The following PTCH1 variants were observed in gnomAD, a reference collection of about 807,000 sequenced individuals.
PTCH1 encodes the protein protein patched homolog 1.
A neutral mutation model predicts 144.6 loss-of-function variants in PTCH1; 14 were observed. The ratio of observed to expected loss-of-function variants is 0.10; its 90% CI spans 0.06 to 0.15. The LOEUF is 0.15. Ranked by LOEUF, PTCH1 falls within the 10% of genes least tolerant of loss-of-function variation. The pLI, the probability that PTCH1 is intolerant of heterozygous loss-of-function variation, is 1.00. For synonymous variants in PTCH1, 833 were observed against 793.6 expected (o/e 1.05, Z -0.83); for missense variants, 1,623 against 1,948.3 (o/e 0.83, Z 3.14).
Position 95,478,245 on chromosome 9 carries a change from A to G in PTCH1, c.1216-59T>C, listed in dbSNP as rs143533605. 1.4e-4 allele frequency: 219 copies of G among 1,611,148 alleles called. 1 individual carries two copies. The African/African-American group carries it at 2.4e-3, about 18-fold the overall frequency. On this transcript the variant is annotated intron_variant, in intron 8 of 23. Transcript: ENST00000331920. ...GCAATGAACACTTCCACAAGCCTCGACAGCACAGATCTCAGGTGACACAGC... is the reference window on the plus strand; with the variant it reads ...GCAATGAACACTTCCACAAGCCTCGGCAGCACAGATCTCAGGTGACACAGC...
At chr9:95,489,019 G>A (rs566781289) in intron 2 of PTCH1, among the ~76,000 whole-genome samples, 1 of 152,272 alleles carries the variant, frequency 6.6e-6, no homozygotes, top group African/African-American at 2.4e-5. Flanking sequence ...ATGTGAACTG[G>A]TAGAATCAGC....
intron 22 of PTCH1, 73 bp downstream of exon 22, chr9:95,448,996 A>T (rs1490235144): frequency 1.3e-6 from 2 of 1,598,268 alleles, no homozygotes; most frequent in African/African-American, 2.7e-5. Flanking sequence ...AGCAGACAGG[A>T]GCCCCCGCTG....
At position 95,458,040 on chromosome 9, in the gene PTCH1, A is replaced by T. The variant is rs2066835; in HGVS notation, c.3141T>A (p.Leu1047=). 4.3e-6 allele frequency: 7 copies of T among 1,614,126 alleles called. No homozygotes were observed. In the South Asian group the frequency reaches 7.7e-5, roughly 18 times the overall value. ...TGATCCCGGCCGTCCAGGGGTTCAGAAGGAAGACAGCGCACACGAGGAATG... is the reference window on the plus strand; with the variant it reads ...TGATCCCGGCCGTCCAGGGGTTCAGTAGGAAGACAGCGCACACGAGGAATG... ...ACTFLVCAVF[L]LNPWTAGIIV... is the part of the protein sequence containing the mutation. Residue 1047 remains leucine (L), a synonymous_variant, in exon 18 of 24, where the codon CTT becomes CTA. Coordinates refer to ENST00000331920, the MANE Select transcript of PTCH1 (RefSeq NM_000264.5). The surrounding 1 kb of genome is among the most constrained non-coding windows in gnomAD (Gnocchi z 4.7).
chr9:95,480,154 A>T (rs2118400359), intron 6 of PTCH1, 64 bp from the exon 7 acceptor site: 1 of 1,607,944 alleles, frequency 6.2e-7, no homozygotes, highest in Non-Finnish European at 8.5e-7. Context: ...CCTTGTTAAA[A>T]TCCAGTGCAT....
At chr9:95,491,400 G>A (rs1842399602) in intron 2 of PTCH1, among the ~76,000 whole-genome samples, 1 of 152,216 alleles carries the variant, frequency 6.6e-6, no homozygotes, top group Non-Finnish European at 1.5e-5. Context: ...GATAACAAAT[G>A]CTGTGATGAA....
At chr9:95,482,265 C>T (rs749896993) in intron 3 of PTCH1, 62 bp from the exon 4 acceptor site, 32 of 1,458,562 alleles carry the variant, frequency 2.2e-5, no homozygotes, top group Non-Finnish European at 2.6e-5. Flanking sequence ...AGTGCAAATT[C>T]GAAATGATAG....
upstream of PTCH1, among the ~76,000 whole-genome samples, chr9:95,512,510 G>C (rs778056698): frequency 6.6e-6 from 1 of 152,150 alleles, no homozygotes; most frequent in African/African-American, 2.4e-5. Flanking sequence ...AAGCCTGCTC[G>C]ACTTGGGTGG....
At chr9:95,459,033 G>A (rs779309266) in intron 17 of PTCH1, among the ~76,000 whole-genome samples, 8 of 152,082 alleles carry the variant, frequency 5.3e-5, no homozygotes, top group African/African-American at 9.7e-5. Flanking sequence ...CAAAGCATAC[G>A]CTACTAATAT....
intron 19 of PTCH1, among the ~76,000 whole-genome samples, chr9:95,455,972 G>T (rs900323232): frequency 6.6e-6 from 1 of 152,194 alleles, no homozygotes; most frequent in African/African-American, 2.4e-5. Context: ...CAGGAATCGT[G>T]GGGGTATAAT....
intron 10 of PTCH1, among the ~76,000 whole-genome samples, 186 bp from the exon 11 acceptor site, chr9:95,477,043 G>C (rs544377634): frequency 6.6e-6 from 1 of 152,234 alleles, no homozygotes; most frequent in South Asian, 2.1e-4. Flanking sequence ...GATCCTGCAC[G>C]TTTCTACTTC....
upstream of PTCH1, among the ~76,000 whole-genome samples, chr9:95,511,402 CCCT>C (rs1283879368): frequency 6.6e-6 from 1 of 152,242 alleles, no homozygotes; most frequent in African/African-American, 2.4e-5. Context: ...TCCCCCGACC[CCCT>C]AACCCGCAAA....
chr9:95,484,399 T>C (rs566597718), intron 3 of PTCH1: 1 of 152,314 alleles, frequency 6.6e-6, no homozygotes, highest in Non-Finnish European at 1.5e-5. Flanking sequence ...AAGCCCAGGT[T>C]ACAGATAAAC....
At chr9:95,474,165 T>A in intron 12 of PTCH1, 2 of 416,210 alleles carry the variant, frequency 4.8e-6, no homozygotes, top group Non-Finnish European at 4.8e-6. Flanking sequence ...GAGGAGAGAA[T>A]GAGAGAGAAA....
rs772537644 is a variant in PTCH1 at position 95,449,257 on chromosome 9, G to A, written c.3616C>T (p.Arg1206Cys). 3.8e-5 allele frequency: 60 copies of A among 1,567,758 alleles called. No homozygotes were observed. The Middle Eastern group carries it at 5.0e-4, about 13-fold the overall frequency. ...PSPEPPPSVV[R>C]FAMPPGHTHS... ...GTGTGGCCGGGCGGCATGGCGAAGCGGACCACGCTGGGGGGTGGCTCAGGG... is the reference window on the plus strand; with the variant it reads ...GTGTGGCCGGGCGGCATGGCGAAGCAGACCACGCTGGGGGGTGGCTCAGGG... The change falls in exon 22 of 24, where the codon CGC becomes TGC. Residue 1206 changes from arginine to cysteine, a missense_variant. Arg to Cys is a radical substitution (Grantham distance 180). Around this residue, in one of 7 missense-constraint regions of PTCH1, gnomAD observed 504 missense variants for 679.3 expected, o/e 0.74. Transcript: ENST00000331920. This position sits in a 1 kb window ranked among gnomAD's most constrained non-coding sequence, Gnocchi z 5.3.
chr9:95,450,071 C>T, intron 20 of PTCH1, 131 bp from the exon 21 acceptor site: 1 of 819,440 alleles, frequency 1.2e-6, no homozygotes, highest in Non-Finnish European at 2.1e-6. Context: ...GGCTGTTATC[C>T]AACCGCAGTT....
rs752919871 is a variant in PTCH1 at position 95,446,977 on chromosome 9, C to G, written c.4279G>C (p.Val1427Leu). The change falls in exon 23 of 24, where the codon GTG becomes CTG. Residue 1427 changes from valine (V) to leucine (L), a missense_variant. Physicochemically the swap from Val to Leu is conservative, Grantham distance 32. Coordinates refer to ENST00000331920, the MANE Select transcript of PTCH1 (RefSeq NM_000264.5). ...HVRCERRDSK[V>L]EVIELQDVEC... The stretch of plus-strand genomic sequence containing the variant: ...ACGTCCTGCAGCTCAATGACTTCCA[C>G]CTTCGAATCCCTCCTCTCACACCGG... The G allele has an allele frequency of 6.2e-7, 1 of 1,614,092 alleles. No individual in the cohort carries two copies. Among genetic ancestry groups the G allele is most frequent in the African/African-American group, 1.3e-5 (1 of 74,928 alleles).
At chr9:95,448,154 C>T (rs555398522) in intron 22 of PTCH1, among the ~76,000 whole-genome samples, 1 of 152,328 alleles carries the variant, frequency 6.6e-6, no homozygotes, top group East Asian at 1.9e-4. Context: ...TGACCAACTT[C>T]AAAGTCGTTC....
At chr9:95,459,572 C>T (rs970250145) in intron 17 of PTCH1, 28 bp downstream of exon 17, 1 of 1,612,172 alleles carries the variant, frequency 6.2e-7, no homozygotes, top group African/African-American at 1.3e-5. Context: ...CTGTAAGTTC[C>T]CAGACCTCCC....
chr9:95,455,328 G>T (rs79036813), intron 19 of PTCH1, among the ~76,000 whole-genome samples: 1 of 152,236 alleles, frequency 6.6e-6, no homozygotes, highest in Non-Finnish European at 1.5e-5. Flanking sequence ...CATGTGCTGA[G>T]CCCAAAGGAA....
Sources: allele counts gnomAD v4.1 joint callset (sites outside exome capture counted in the v4.1 genomes callset), GRCh38; gene constraint gnomAD v4.1.1; regional missense constraint gnomAD v4.1.1; non-coding constraint Gnocchi (gnomAD v3.1); transcripts MANE v1.5; gene names NCBI Gene and HGNC (gene_info 2026-07-23, HGNC 2026-07-21).